DCAF6: variants seen among roughly 807,000 people sequenced by gnomAD.
DCAF6 encodes the protein DDB1 and CUL4 associated factor 6, also known as DDB1- and CUL4-associated factor 6.
Under a neutral mutation model 125.1 loss-of-function variants are expected in DCAF6, and 54 were observed. That is an observed-to-expected ratio of 0.43 (90% CI 0.35 to 0.54). The LOEUF (loss-of-function observed/expected upper bound fraction) is 0.54. Ranked by LOEUF, DCAF6 falls within the 20% of genes least tolerant of loss-of-function variation. DCAF6 has a pLI of 0.01. For synonymous variants in DCAF6, 371 were observed against 390.4 expected, an observed-to-expected ratio of 0.95 and a Z score of 0.58; for missense variants, 934 against 1,161.7, an observed-to-expected ratio of 0.80 and a Z score of 2.85.
chr1:168,001,712 T>C (rs1378626770), intron 7 of DCAF6, among the ~76,000 whole-genome samples: 2 of 152,024 alleles, frequency 1.3e-5, no homozygotes, highest in Non-Finnish European at 2.9e-5. Context: ...AAAATGGATG[T>C]AGGTATAGAG....
At chr1:167,902,745 G>A in the DCAF6 span, among the ~76,000 whole-genome samples, 3 of 152,230 alleles carry the variant, frequency 2.0e-5, no homozygotes, top group African/African-American at 7.2e-5. Context: ...CCATAACAGA[G>A]TAAACCGTTG....
intron 9 of DCAF6, 85 bp downstream of exon 9, chr1:168,004,074 A>G (rs1571895298): frequency 1.4e-6 from 2 of 1,474,642 alleles, no homozygotes; most frequent in Non-Finnish European, 1.8e-6. Context: ...CATGTAAATT[A>G]TACCATGTTT....
chr1:167,950,583 C>T (rs146209716), intron 1 of DCAF6, among the ~76,000 whole-genome samples: 15 of 152,262 alleles, frequency 9.9e-5, no homozygotes, highest in African/African-American at 3.4e-4. Context: ...AAATTGGCTT[C>T]AAGAGGCTCT....
chr1:167,884,236 G>A, the DCAF6 span, among the ~76,000 whole-genome samples: 254 of 152,280 alleles, frequency 1.7e-3, 3 homozygotes, highest in Middle Eastern at 6.8e-3. Context: ...ACAGTTCCAT[G>A]GGCTGTACAG....
intron 17 of DCAF6, among the ~76,000 whole-genome samples, chr1:168,060,987 A>G (rs1050043521): frequency 4.6e-5 from 7 of 152,212 alleles, no homozygotes; most frequent in Non-Finnish European, 1.0e-4. Flanking sequence ...CTATAACTCT[A>G]CTTTCTTAGC....
In DCAF6 at chr1:167,991,232, C is replaced by T. The variant is rs769457841; in HGVS notation, c.581C>T (p.Ala194Val). The T allele has an allele frequency of 6.2e-7, 1 of 1,612,156 alleles. No individual in the cohort carries two copies. Among genetic ancestry groups the T allele is most frequent in the Non-Finnish European group, 8.5e-7 (1 of 1,179,516 alleles). Residue 194 changes from alanine (A) to valine (V), a missense_variant, in exon 6 of 22, where the codon GCC becomes GTC. By Grantham distance (64) the Ala-to-Val change is moderately conservative (BLOSUM62 0). Around this residue, in one of 5 missense-constraint regions of DCAF6, gnomAD observed 309 missense variants for 381.2 expected, o/e 0.81. Coordinates refer to ENST00000367840, the MANE Select transcript of DCAF6 (RefSeq NM_001198956.2). Reference protein sequence around the residue: ...DDILINCRRAATSVAICPPIP... With the variant: ...DDILINCRRAVTSVAICPPIP... The stretch of plus-strand genomic sequence containing the variant: ...ATTTTAATTAACTGTCGACGTGCTG[C>T]CACGTCTGTTGCTATTTGCCCACCA...
intron 13 of DCAF6, among the ~76,000 whole-genome samples, chr1:168,040,662 T>C (rs151151815): frequency 6.6e-6 from 1 of 151,570 alleles, no homozygotes; most frequent in Non-Finnish European, 1.5e-5. Context: ...TCCATTCTCA[T>C]GTTTCTGTAC....
the DCAF6 span, among the ~76,000 whole-genome samples, chr1:167,898,594 G>GT: frequency 0.067 from 9,853 of 146,584 alleles, 383 homozygotes; most frequent in Middle Eastern, 0.11. Flanking sequence ...GCGAGACTCC[G>GT]TTTTTTTTTT....
At chr1:167,878,477 A>G in the DCAF6 span, 5 of 1,613,998 alleles carry the variant, frequency 3.1e-6, no homozygotes, top group Non-Finnish European at 2.5e-6. Flanking sequence ...TACTGATACA[A>G]TGGTCCAGAA....
In DCAF6 at chr1:167,975,032, A is replaced by T; in HGVS notation, c.438+17A>T. 6.7e-7 allele frequency: 1 copy of T among 1,492,394 alleles called. No homozygotes were observed. The highest frequency in any genetic ancestry group is 9.0e-7 in the Non-Finnish European group (1 of 1,105,272). 92.4% of individuals were successfully genotyped at this position (1,492,394 alleles called of 1,614,324 possible). A position where few individuals can be genotyped will look rare whatever the true frequency, so the allele number is the denominator to read the frequency against. On this transcript the variant is annotated intron_variant, in intron 4 of 21. Transcript: ENST00000367840. ...ACTTATGAGGTATGGTATTATTATGATTATATGATATATATGTAAGTATGT... is the reference window on the plus strand; with the variant it reads ...ACTTATGAGGTATGGTATTATTATGTTTATATGATATATATGTAAGTATGT...
chr1:167,904,423 G>A, the DCAF6 span, among the ~76,000 whole-genome samples: 4 of 152,052 alleles, frequency 2.6e-5, no homozygotes, highest in Admixed American at 6.6e-5. Context: ...TTCTTCTTAA[G>A]GATCTTTGTG....
intron 2 of DCAF6, among the ~76,000 whole-genome samples, chr1:167,961,871 C>T (rs1334016816): frequency 6.6e-6 from 1 of 152,208 alleles, no homozygotes; most frequent in Non-Finnish European, 1.5e-5. Flanking sequence ...CTGAGAACTA[C>T]TTTGTTGCAC....
At chr1:167,876,854 C>T in the DCAF6 span, among the ~76,000 whole-genome samples, 2 of 152,168 alleles carry the variant, frequency 1.3e-5, no homozygotes, top group South Asian at 2.1e-4. Context: ...TTGAAAAATG[C>T]TTTTGCATTG....
chr1:167,911,247 C>T, the DCAF6 span, among the ~76,000 whole-genome samples: 1 of 152,188 alleles, frequency 6.6e-6, no homozygotes, highest in Non-Finnish European at 1.5e-5. Context: ...CAAAGACTTT[C>T]CTCCCCGTCT....
At chr1:167,937,706 C>T (rs559442295) in intron 1 of DCAF6, among the ~76,000 whole-genome samples, 1 of 152,236 alleles carries the variant, frequency 6.6e-6, no homozygotes, top group South Asian at 2.1e-4. Flanking sequence ...ACCTTCAGTA[C>T]TTGGGGGAAC....
chr1:167,911,111 C>A, the DCAF6 span, among the ~76,000 whole-genome samples: 1 of 152,096 alleles, frequency 6.6e-6, no homozygotes. Flanking sequence ...CAATGACTGG[C>A]AATCACCGAA....
At position 167,937,104 on chromosome 1, in the gene DCAF6, G is replaced by C. The variant is rs1370196006; in HGVS notation, c.97+96G>C. On this transcript the variant is annotated intron_variant, in intron 1 of 21. Transcript: ENST00000367840. Reference sequence around the variant, plus strand: ...TCTGTTGGAGGTGGGACGGCGTCTCGGTGGGGGCGCCCGGAGACTCTGGGG... The same window carrying C: ...TCTGTTGGAGGTGGGACGGCGTCTCCGTGGGGGCGCCCGGAGACTCTGGGG... 8.5e-6 allele frequency: 9 copies of C among 1,062,460 alleles called. No individual in the cohort carries two copies. The East Asian group carries it at 2.1e-4, about 24-fold the overall frequency. 65.8% of individuals were successfully genotyped at this position (1,062,460 alleles called of 1,614,324 possible).
chr1:167,906,580 G>T, the DCAF6 span, among the ~76,000 whole-genome samples: 1 of 149,378 alleles, frequency 6.7e-6, no homozygotes, highest in Non-Finnish European at 1.5e-5. Context: ...TTGAGCCCGA[G>T]TTCGAGACCA....
chr1:167,935,848 C>A, upstream of DCAF6: 1 of 1,549,012 alleles, frequency 6.5e-7, no homozygotes, highest in Non-Finnish European at 8.7e-7. Context: ...ACATCGCCGC[C>A]GAGGGATCGT....
Sources: allele counts gnomAD v4.1 joint callset (sites outside exome capture counted in the v4.1 genomes callset), GRCh38; gene constraint gnomAD v4.1.1; regional missense constraint gnomAD v4.1.1; transcripts MANE v1.5; gene names NCBI Gene and HGNC (gene_info 2026-07-23, HGNC 2026-07-21).